CYTH3: variants seen among roughly 807,000 people sequenced by gnomAD.
CYTH3 encodes cytohesin-3.
A neutral mutation model predicts 55.1 loss-of-function variants in CYTH3; 23 were observed. That is an observed-to-expected ratio of 0.42 (90% CI 0.30 to 0.59). CYTH3 has a LOEUF of 0.59. Among genes scored for constraint, CYTH3 ranks in the 20% least tolerant of loss-of-function variants. The pLI, the probability that CYTH3 is intolerant of heterozygous loss-of-function variation, is 0.20. For missense variants in CYTH3, 413 were observed against 524.8 expected, an observed-to-expected ratio of 0.79 and a Z score of 2.08; for synonymous variants, 249 against 194.9, an observed-to-expected ratio of 1.28 and a Z score of -2.31.
At chr7:6,188,356 C>G (rs78537301) in intron 2 of CYTH3, among the ~76,000 whole-genome samples, 1 of 137,574 alleles carries the variant, frequency 7.3e-6, no homozygotes, top group Non-Finnish European at 1.6e-5. Context: ...AACAAAAAAA[C>G]AAAAAAAAAA....
intron 4 of CYTH3, among the ~76,000 whole-genome samples, chr7:6,183,209 C>A (rs1289737228): frequency 6.6e-6 from 1 of 152,222 alleles, no homozygotes; most frequent in African/African-American, 2.4e-5. Context: ...CAGTCCTGTT[C>A]CCTGAATGTA....
intron 1 of CYTH3, among the ~76,000 whole-genome samples, chr7:6,246,400 C>T (rs1341948007): frequency 2.6e-5 from 4 of 152,106 alleles, no homozygotes; most frequent in Admixed American, 2.6e-4. Context: ...AGCCAATTTA[C>T]AAAACCAAAT....
Position 6,171,117 on chromosome 7 carries a change from C to A in CYTH3, c.562+85G>T, listed in dbSNP as rs1197435179. On this transcript the variant is annotated intron_variant, in intron 7 of 12. Transcript: ENST00000350796. This position sits in a 1 kb window ranked among gnomAD's most constrained non-coding sequence, Gnocchi z 6.7. ...GGGAAGGCAGGTCCCCAGGAACACA[C>A]GCTGGGCTGTGCCCACAGGGGCCGC... The A allele has an allele frequency of 6.9e-6, 11 of 1,584,790 alleles. No individual in the cohort carries two copies. The highest frequency in any genetic ancestry group is 1.7e-5 in the Admixed American group (1 of 59,048).
chr7:6,190,292 G>C (rs980974902), intron 2 of CYTH3, among the ~76,000 whole-genome samples, 157 bp downstream of exon 2: 19 of 146,160 alleles, frequency 1.3e-4, no homozygotes, highest in African/African-American at 4.6e-4. Flanking sequence ...TCTTTGTGTA[G>C]TTCTTATATG....
At chr7:6,177,425 A>G (rs981844169) in intron 5 of CYTH3, among the ~76,000 whole-genome samples, 11 of 152,238 alleles carry the variant, frequency 7.2e-5, no homozygotes, top group Non-Finnish European at 1.0e-4. Context: ...AAAAAAATTC[A>G]CTTTCCACCT....
At chr7:6,181,767 G>A (rs556858556) in intron 4 of CYTH3, among the ~76,000 whole-genome samples, 2 of 152,166 alleles carry the variant, frequency 1.3e-5, no homozygotes, top group African/African-American at 2.4e-5. Context: ...TGGACCCACC[G>A]TGCATGTTTT....
rs1782879166 is a variant in CYTH3 at position 6,162,909 on chromosome 7, C to G, written c.*2035G>C. On this transcript the variant is annotated 3_prime_UTR_variant, in exon 13 of 13. Coordinates refer to ENST00000350796, the MANE Select transcript of CYTH3 (RefSeq NM_004227.4). ...GCTGTGGCCAGTCTTGGGTGCCGGG[C>G]CAGCCTGAGGGGTGGGCACCGCCGG... The G allele has an allele frequency of 6.5e-6, 1 of 152,684 alleles. No individual in the cohort carries two copies. Among genetic ancestry groups the G allele is most frequent in the Non-Finnish European group, 1.5e-5 (1 of 68,076 alleles). The allele number at this position is 152,684 out of a possible 1,614,324, so 9.5% of individuals were successfully genotyped here.
intron 1 of CYTH3, among the ~76,000 whole-genome samples, chr7:6,271,832 C>A (rs912190380): frequency 4.6e-5 from 7 of 152,242 alleles, no homozygotes; most frequent in Non-Finnish European, 1.0e-4. Flanking sequence ...CTCGGCTCCA[C>A]GGAGTTTTTT....
chr7:6,170,048 T>C lies in CYTH3; in HGVS notation c.823+487A>G. 5.9e-6 allele frequency: 1 copy of C among 168,624 alleles called. No homozygotes were observed. Among genetic ancestry groups the C allele is most frequent in the Admixed American group, 5.7e-5 (1 of 17,698 alleles). The allele number at this position is 168,624 out of a possible 1,614,324, so 10.4% of individuals were successfully genotyped here. A position where few individuals can be genotyped will look rare whatever the true frequency, so the allele number is the denominator to read the frequency against. On this transcript the variant is annotated intron_variant, in intron 9 of 12. Transcript: ENST00000350796. The surrounding 1 kb of genome is among the most constrained non-coding windows in gnomAD (Gnocchi z 7.8). ...GGGGAGAGCGAGAGGAATGAGCCGC[T>C]GAGGGGGCGGGGAGCCACTGGGTAC...
chr7:6,175,518 T>TA (rs1306392392), intron 5 of CYTH3, among the ~76,000 whole-genome samples: 10 of 150,092 alleles, frequency 6.7e-5, no homozygotes, highest in Admixed American at 2.0e-4. Context: ...ATGCCAGTCT[T>TA]ACAATGTCTT....
Position 6,171,223 on chromosome 7 carries a change from G to T in CYTH3, c.541C>A (p.Pro181Thr). The T allele has an allele frequency of 6.2e-7, 1 of 1,614,144 alleles. No homozygotes were observed. The highest frequency in any genetic ancestry group is 8.5e-7 in the Non-Finnish European group (1 of 1,179,996). Residue 181 changes from proline to threonine, a missense_variant, in exon 7 of 13, where the codon CCC becomes ACC. Pro to Thr is a conservative substitution (Grantham distance 38, BLOSUM62 -1). Coordinates refer to ENST00000350796, the MANE Select transcript of CYTH3 (RefSeq NM_004227.4). This position sits in a 1 kb window ranked among gnomAD's most constrained non-coding sequence, Gnocchi z 6.7. ...TGACCTGTGGACTGGAAGACCCCGG[G>T]GTTGCACAGGCAGTAGCGAGAAGCG... ...AFASRYCLCNPGVFQSTDTCY... is the reference protein window; with the variant it reads ...AFASRYCLCNTGVFQSTDTCY...
intron 1 of CYTH3, among the ~76,000 whole-genome samples, chr7:6,218,788 C>A (rs1189723359): frequency 9.9e-5 from 15 of 152,018 alleles, no homozygotes; most frequent in Non-Finnish European, 1.5e-4. Context: ...GGGCAGGTCA[C>A]GAGGTCAGGA....
Position 6,269,711 on chromosome 7 carries a change from C to A in CYTH3, c.34+2763G>T, listed in dbSNP as rs117016448. On this transcript the variant is annotated intron_variant, in intron 1 of 12. Coordinates refer to ENST00000350796, the MANE Select transcript of CYTH3 (RefSeq NM_004227.4). ...TGTGTTCTTGTAATCTTGTGCCCCCCACTCGCTCCTCTTGTAACTGCCTTC... is the reference window on the plus strand; with the variant it reads ...TGTGTTCTTGTAATCTTGTGCCCCCAACTCGCTCCTCTTGTAACTGCCTTC... 4.3e-3 allele frequency among the ~76,000 whole-genome samples: 653 copies of A among 152,268 alleles called. 4 individuals are homozygous for A. The highest frequency in any genetic ancestry group is 6.8e-3 in the Non-Finnish European group (461 of 68,004).
At chr7:6,235,934 A>G (rs1299146221) in intron 1 of CYTH3, among the ~76,000 whole-genome samples, 2 of 152,218 alleles carry the variant, frequency 1.3e-5, no homozygotes, top group African/African-American at 4.8e-5. Context: ...CTGTAAAGAA[A>G]TTATTTTGAA....
At chr7:6,194,388 G>A (rs994556338) in intron 1 of CYTH3, among the ~76,000 whole-genome samples, 6 of 152,036 alleles carry the variant, frequency 3.9e-5, no homozygotes, top group Admixed American at 1.3e-4. Flanking sequence ...AGGGGTTCCA[G>A]GTTGCAGTGA....
At chr7:6,195,701 A>T (rs1783908132) in intron 1 of CYTH3, among the ~76,000 whole-genome samples, 1 of 152,158 alleles carries the variant, frequency 6.6e-6, no homozygotes, top group Non-Finnish European at 1.5e-5. Context: ...CAATTTACTG[A>T]TCAACTAACA....
chr7:6,189,495 G>A (rs979623686), intron 2 of CYTH3, among the ~76,000 whole-genome samples: 1 of 151,830 alleles, frequency 6.6e-6, no homozygotes, highest in Non-Finnish European at 1.5e-5. Context: ...TTTTTGTAGA[G>A]ATGGGGTTTG....
intron 4 of CYTH3, among the ~76,000 whole-genome samples, chr7:6,183,945 G>C (rs912717818): frequency 1.3e-5 from 2 of 150,312 alleles, no homozygotes; most frequent in Non-Finnish European, 3.0e-5. Context: ...GCCAGGAAGA[G>C]AGCCCTCACC....
chr7:6,225,621 G>T (rs1779229028), intron 1 of CYTH3, among the ~76,000 whole-genome samples: 1 of 151,782 alleles, frequency 6.6e-6, no homozygotes, highest in Admixed American at 6.6e-5. Flanking sequence ...CTCTCAAAGT[G>T]CTGGGATTAC....
Sources: gnomAD v4.1 joint callset for allele counts (sites outside exome capture counted in the v4.1 genomes callset) on GRCh38, gnomAD v4.1.1 for gene constraint, Gnocchi (gnomAD v3.1) non-coding constraint, MANE v1.5 for transcripts, NCBI Gene and HGNC (gene_info 2026-07-23, HGNC 2026-07-21) for gene names.